The following MAP2K4 variants were observed in gnomAD, a reference collection of about 807,000 sequenced individuals.
MAP2K4 encodes the protein dual specificity mitogen-activated protein kinase kinase 4.
In MAP2K4, 4 loss-of-function variants were observed where a neutral mutation model predicts 48.5. That is an observed-to-expected ratio of 0.08 (90% CI 0.04 to 0.19). MAP2K4 has a LOEUF of 0.19. Among genes scored for constraint, MAP2K4 ranks in the 10% least tolerant of loss-of-function variants. MAP2K4 has a pLI of 1.00. For missense variants in MAP2K4, 258 were observed against 493.3 expected, an observed-to-expected ratio of 0.52 and a Z score of 4.52; for synonymous variants, 166 against 173.1, an observed-to-expected ratio of 0.96 and a Z score of 0.32.
intron 2 of MAP2K4, among the ~76,000 whole-genome samples, chr17:12,077,655 A>G (rs1302075975): frequency 2.0e-5 from 3 of 151,912 alleles, no homozygotes; most frequent in Non-Finnish European, 2.9e-5. Flanking sequence ...AGGAAAAGAA[A>G]AAGAGTCTTT....
Position 12,095,655 on chromosome 17 carries a change from C to T in MAP2K4, c.474C>T (p.Cys158=), listed in dbSNP as rs2151561851. 6.2e-7 allele frequency: 1 copy of T among 1,613,800 alleles called. No homozygotes were observed. The highest frequency in any genetic ancestry group is 8.5e-7 in the Non-Finnish European group (1 of 1,179,880). The change falls in exon 4 of 11, where the codon TGC becomes TGT. Residue 158 remains cysteine, a synonymous_variant. Transcript: ENST00000353533. The part of the protein sequence containing the change: ...DLDVVMRSSD[C]PYIVQFYGAL... Reference sequence around the variant, plus strand: ...ATGTAGTAATGCGGAGTAGTGATTGCCCATACATTGTTCAGTTTTATGGTG... The same window carrying T: ...ATGTAGTAATGCGGAGTAGTGATTGTCCATACATTGTTCAGTTTTATGGTG...
chr17:12,120,662 C>T (rs952632295), intron 7 of MAP2K4, among the ~76,000 whole-genome samples: 1 of 151,638 alleles, frequency 6.6e-6, no homozygotes, highest in Non-Finnish European at 1.5e-5. Flanking sequence ...AAGAGAGACT[C>T]CTAAGACAAA....
intron 3 of MAP2K4, among the ~76,000 whole-genome samples, chr17:12,091,435 A>G (rs1203038075): frequency 2.0e-5 from 3 of 152,168 alleles, no homozygotes; most frequent in East Asian, 1.9e-4. Flanking sequence ...AGCTTGTCCT[A>G]TGGGACTTGT....
intron 2 of MAP2K4, among the ~76,000 whole-genome samples, chr17:12,057,360 C>T (rs1389823720): frequency 6.6e-6 from 1 of 152,058 alleles, no homozygotes; most frequent in Non-Finnish European, 1.5e-5. Context: ...TTCTGGTGAG[C>T]GTATGCACAA....
At chr17:12,088,408 T>TATTATATATAA (rs985546747) in intron 3 of MAP2K4, among the ~76,000 whole-genome samples, 10 of 142,908 alleles carry the variant, frequency 7.0e-5, no homozygotes, top group Non-Finnish European at 1.1e-4. Flanking sequence ...TGTGTTGTAA[T>TATTATATATAA]ATTATATATA....
intron 1 of MAP2K4, among the ~76,000 whole-genome samples, chr17:12,047,101 A>G (rs1969990328): frequency 6.6e-6 from 1 of 151,664 alleles, no homozygotes; most frequent in Admixed American, 6.6e-5. Flanking sequence ...TTTTTTTTCT[A>G]CCCAAGAAAA....
chr17:12,061,923 G>A (rs1473810668), intron 2 of MAP2K4, among the ~76,000 whole-genome samples: 1 of 151,798 alleles, frequency 6.6e-6, no homozygotes, highest in African/African-American at 2.4e-5. Context: ...CTACAACTGA[G>A]TAACAGTATG....
At position 12,142,392 on chromosome 17, in the gene MAP2K4, G is replaced by A. The variant is rs1448913832; in HGVS notation, c.*1132G>A. 1.7e-5 allele frequency: 4 copies of A among 232,876 alleles called. No individual in the cohort carries two copies. Among genetic ancestry groups the A allele is most frequent in the Non-Finnish European group, 3.4e-5 (4 of 117,870 alleles). 14.4% of individuals were successfully genotyped at this position (232,876 alleles called of 1,614,324 possible). A position where few individuals can be genotyped will look rare whatever the true frequency, so the allele number is the denominator to read the frequency against. On this transcript the variant is annotated 3_prime_UTR_variant, in exon 11 of 11. Coordinates refer to ENST00000353533, the MANE Select transcript of MAP2K4 (RefSeq NM_003010.4). The stretch of plus-strand genomic sequence containing the variant: ...TTCCCTTCCCCTGTGGTCTATTGTC[G>A]CTATGTGACTTGCGCTTAATCCAAT...
rs1297385629 is a variant in MAP2K4 at position 12,081,832 on chromosome 17, AC to A, written c.393+306del. ...AGGTGAGTTCAGGCTGGGCGGCTGC[AC>A]CCCTGGGAGCAGGGCAGTGCTGCAC... On this transcript the variant is annotated intron_variant, in intron 3 of 10. Transcript: ENST00000353533. The surrounding 1 kb of genome is among the most constrained non-coding windows in gnomAD (Gnocchi z 4.2). The A allele has an allele frequency of 3.8e-5, 19 of 499,926 alleles. No individual in the cohort carries two copies. Among genetic ancestry groups the A allele is most frequent in the Non-Finnish European group, 7.7e-5 (19 of 245,692 alleles). The allele number at this position is 499,926 out of a possible 1,614,324, so 31.0% of individuals were successfully genotyped here.
chr17:12,036,318 G>T (rs573745159), intron 1 of MAP2K4, among the ~76,000 whole-genome samples: 1 of 152,120 alleles, frequency 6.6e-6, no homozygotes, highest in East Asian at 1.9e-4. Context: ...TGCCTTAGAA[G>T]GTTGATTAAT....
chr17:12,033,950 C>T lies in MAP2K4; in HGVS notation c.115+12949C>T, dbSNP rs181351663. ...GACTACAGGTATATGCCACCACACC[C>T]AGCTCATTTTAAAATTTTTTTGTAG... On this transcript the variant is annotated intron_variant, in intron 1 of 10. Transcript: ENST00000353533. Among the ~76,000 whole-genome samples, 4 of 152,184 alleles carry T rather than the reference C, an allele frequency of 2.6e-5. No homozygotes were observed. In the East Asian group the frequency reaches 7.7e-4, roughly 29 times the overall value.
intron 1 of MAP2K4, among the ~76,000 whole-genome samples, chr17:12,025,228 A>G (rs1408755204): frequency 3.3e-5 from 5 of 152,322 alleles, no homozygotes; most frequent in East Asian, 3.9e-4. Flanking sequence ...TTTTAGGGAA[A>G]TTCCCTAACT....
rs151302935 is a variant in MAP2K4, at chr17:12,135,770, G to A, written c.1041-4069G>A. Among the ~76,000 whole-genome samples, 949 of 148,762 alleles carry A rather than the reference G, an allele frequency of 6.4e-3. 2 individuals are homozygous for A. The highest frequency in any genetic ancestry group is 0.039 in the East Asian group (187 of 4,806). The stretch of plus-strand genomic sequence containing the variant: ...TTGCCACGTTGGCCAGGCTAGTCTC[G>A]AACTCCTGACCTCAGGTGATCCGCC... On this transcript the variant is annotated intron_variant, in intron 9 of 10. Transcript: ENST00000353533.
chr17:12,043,873 T>C (rs1326161411), intron 1 of MAP2K4, among the ~76,000 whole-genome samples: 1 of 152,086 alleles, frequency 6.6e-6, no homozygotes, highest in Non-Finnish European at 1.5e-5. Context: ...CATTGGCCAT[T>C]GGACTCCGTC....
At chr17:12,138,371 A>G (rs1465732882) in intron 9 of MAP2K4, among the ~76,000 whole-genome samples, 1 of 152,204 alleles carries the variant, frequency 6.6e-6, no homozygotes, top group African/African-American at 2.4e-5. Context: ...TTGTATATGT[A>G]TTATATACTG....
intron 1 of MAP2K4, among the ~76,000 whole-genome samples, chr17:12,047,846 T>C (rs768123390): frequency 6.6e-6 from 1 of 152,214 alleles, no homozygotes; most frequent in Non-Finnish European, 1.5e-5. Context: ...ACAACAGTAC[T>C]GCCAAGTAGC....
chr17:12,077,220 T>G (rs552259419), intron 2 of MAP2K4, among the ~76,000 whole-genome samples: 5 of 152,330 alleles, frequency 3.3e-5, no homozygotes, highest in Admixed American at 1.3e-4. Flanking sequence ...CTGGAACTGC[T>G]CTGTGGATTT....
At chr17:12,123,306 A>C (rs772228628) in intron 7 of MAP2K4, among the ~76,000 whole-genome samples, 1 of 152,184 alleles carries the variant, frequency 6.6e-6, no homozygotes, top group Non-Finnish European at 1.5e-5. Flanking sequence ...GGTTATTCAC[A>C]CTTTGATATT....
intron 2 of MAP2K4, among the ~76,000 whole-genome samples, chr17:12,071,584 C>G (rs1567644658): frequency 6.6e-6 from 1 of 152,048 alleles, no homozygotes; most frequent in Non-Finnish European, 1.5e-5. Context: ...CACCCTAACT[C>G]CCACCTCCAA....
Sources: allele counts gnomAD v4.1 joint callset (sites outside exome capture counted in the v4.1 genomes callset), GRCh38; gene constraint gnomAD v4.1.1; non-coding constraint Gnocchi (gnomAD v3.1); transcripts MANE v1.5; gene names NCBI Gene and HGNC (gene_info 2026-07-23, HGNC 2026-07-21).